The following MTR variants were observed in gnomAD, a reference collection of about 807,000 sequenced individuals.
The protein encoded by MTR is methionine synthase.
MTR carries 84 observed loss-of-function variants against 154.8 expected under a neutral mutation model. The ratio of observed to expected loss-of-function variants is 0.54; its 90% CI spans 0.45 to 0.65. The LOEUF (loss-of-function observed/expected upper bound fraction) is 0.65, where lower values mean the gene tolerates loss of function less well. MTR is among the 30% of genes least tolerant of loss of function. MTR has a pLI of 0.00. For synonymous variants in MTR, 554 were observed against 553.9 expected (o/e 1.00, Z 0.00); for missense variants, 1,275 against 1,570.2 (o/e 0.81, Z 3.18).
At chr1:236,796,503 C>G (rs918438359) in intron 1 of MTR, among the ~76,000 whole-genome samples, 4 of 152,172 alleles carry the variant, frequency 2.6e-5, no homozygotes, top group African/African-American at 9.7e-5. Flanking sequence ...AAGTACAAAA[C>G]AGTAAATATC....
At chr1:236,838,736 A>G in intron 15 of MTR, 137 bp downstream of exon 15, 2 of 860,992 alleles carry the variant, frequency 2.3e-6, no homozygotes, top group Middle Eastern at 3.4e-4. Flanking sequence ...ATGTACATAT[A>G]TGTACACGTA....
chr1:236,844,503 T>TGA (rs1297978179), intron 15 of MTR, among the ~76,000 whole-genome samples: 1 of 126,680 alleles, frequency 7.9e-6, no homozygotes, highest in East Asian at 2.3e-4. Context: ...TGTGTGTGTG[T>TGA]AGATGCTGTG....
At chr1:236,886,931 C>G (rs1203198364) in intron 27 of MTR, among the ~76,000 whole-genome samples, 1 of 151,784 alleles carries the variant, frequency 6.6e-6, no homozygotes. Context: ...CTTGCTTTCT[C>G]TCTGTCCTCT....
Position 236,832,080 on chromosome 1 carries a change from T to G in MTR, c.1188+2T>G. ...CTCATCATGGCAGGAAACTATGAAG[T>G]GAGCATCTTAATAAGACCCCTGAGG... On this transcript the variant is annotated splice_donor_variant, in intron 13 of 32. Transcript: ENST00000366577. LOFTEE classifies it high-confidence loss of function. The G allele has an allele frequency of 6.2e-7, 1 of 1,609,380 alleles. No individual in the cohort carries two copies. The highest frequency in any genetic ancestry group is 8.5e-7 in the Non-Finnish European group (1 of 1,175,704).
intron 24 of MTR, among the ~76,000 whole-genome samples, chr1:236,879,727 G>A (rs780937292): frequency 4.6e-5 from 7 of 152,344 alleles, no homozygotes; most frequent in Middle Eastern, 3.4e-3. Context: ...TAAACATGCA[G>A]TCATCACAGG....
At chr1:236,800,458 C>G (rs146940442) in intron 1 of MTR, 1 of 985,262 alleles carries the variant, frequency 1.0e-6, no homozygotes, top group Non-Finnish European at 1.2e-6. Context: ...GAGAAGAAAG[C>G]GATTCAGCTG....
At chr1:236,802,043 G>C (rs1331400729) in intron 1 of MTR, among the ~76,000 whole-genome samples, 2 of 152,146 alleles carry the variant, frequency 1.3e-5, no homozygotes, top group Admixed American at 1.3e-4. Flanking sequence ...GTGTAGTAAG[G>C]GGTTGAAGAA....
intron 22 of MTR, among the ~76,000 whole-genome samples, chr1:236,864,521 G>C (rs538212860): frequency 2.0e-5 from 3 of 152,114 alleles, no homozygotes; most frequent in African/African-American, 7.2e-5. Flanking sequence ...CTATTTACCT[G>C]CTCACTTACT....
chr1:236,863,938 G>A (rs1015799949), intron 22 of MTR, among the ~76,000 whole-genome samples: 3 of 151,970 alleles, frequency 2.0e-5, no homozygotes, highest in Non-Finnish European at 2.9e-5. Flanking sequence ...TTTTAGAACC[G>A]AGATCTTATG....
intron 22 of MTR, among the ~76,000 whole-genome samples, chr1:236,869,960 A>G (rs1198920688): frequency 1.3e-5 from 2 of 152,150 alleles, no homozygotes; most frequent in Admixed American, 6.5e-5. Flanking sequence ...CCTTCCATAC[A>G]TAGTACACTG....
chr1:236,883,420 G>T (rs1013210841), intron 25 of MTR, among the ~76,000 whole-genome samples: 2 of 152,204 alleles, frequency 1.3e-5, no homozygotes, highest in Admixed American at 6.5e-5. Flanking sequence ...AACTGCAGCG[G>T]TATGTTCTGT....
chr1:236,802,913 A>T (rs1183511783), intron 1 of MTR, among the ~76,000 whole-genome samples: 1 of 152,154 alleles, frequency 6.6e-6, no homozygotes, highest in African/African-American at 2.4e-5. Flanking sequence ...TGAGAAGTTC[A>T]AGGGTGTTAG....
chr1:236,895,575 C>T (rs1229134775), intron 31 of MTR, 25 bp downstream of exon 31: 2 of 1,553,414 alleles, frequency 1.3e-6, no homozygotes, highest in Admixed American at 1.9e-5. Context: ...GCTGCGGGTT[C>T]CTGTCTTCCT....
intron 22 of MTR, among the ~76,000 whole-genome samples, chr1:236,872,663 C>T (rs1238541643): frequency 6.6e-6 from 1 of 152,126 alleles, no homozygotes; most frequent in East Asian, 1.9e-4. Context: ...CATAGTAGTG[C>T]TTTCATGATA....
At chr1:236,826,673 T>C (rs1662305302) in intron 10 of MTR, among the ~76,000 whole-genome samples, 156 bp from the exon 11 acceptor site, 1 of 152,248 alleles carries the variant, frequency 6.6e-6, no homozygotes. Context: ...GTCTAGGGCA[T>C]GTGATATCTT....
At chr1:236,883,021 T>C (rs914650028) in intron 25 of MTR, among the ~76,000 whole-genome samples, 1 of 152,220 alleles carries the variant, frequency 6.6e-6, no homozygotes, top group African/African-American at 2.4e-5. Context: ...CTCATATATT[T>C]GGAAGATTCC....
chr1:236,843,479 G>A (rs969519174), intron 15 of MTR, among the ~76,000 whole-genome samples: 6 of 152,190 alleles, frequency 3.9e-5, no homozygotes, highest in Non-Finnish European at 8.8e-5. Flanking sequence ...TTGTTACTCA[G>A]AGTGAGTGGG....
rs1019534539 is a variant in MTR, at chr1:236,897,716, TAAC to T, written c.*81_*83del. 11 of 1,349,536 alleles carry T rather than the reference TAAC, an allele frequency of 8.2e-6. No individual in the cohort carries two copies. The African/African-American group carries it at 1.6e-4, about 20-fold the overall frequency. The allele number at this position is 1,349,536 out of a possible 1,614,324, so 83.6% of individuals were successfully genotyped here. A position where few individuals can be genotyped will look rare whatever the true frequency, so the allele number is the denominator to read the frequency against. ...AATACAACCTAGGGTGCCTTAAAAA[TAAC>T]AACAACAAAAAACCTGTGTGCATCT... is the stretch of plus-strand genomic sequence containing the variant. On this transcript the variant is annotated 3_prime_UTR_variant, in exon 33 of 33. Transcript: ENST00000366577.
chr1:236,829,458 A>G lies in MTR; in HGVS notation c.1075+190A>G, dbSNP rs530511499. ...TCCAGGGCTGGGGCAAGATGACGTC[A>G]ACTTTAGGGTAAAAGTGAAGGAAGG... is the stretch of plus-strand genomic sequence containing the variant. On this transcript the variant is annotated intron_variant, in intron 12 of 32. Transcript: ENST00000366577. Among the ~76,000 whole-genome samples, 16 of 152,326 alleles carry G rather than the reference A, an allele frequency of 1.1e-4. No homozygotes were observed. The East Asian group carries it at 3.1e-3, about 29-fold the overall frequency.
Sources: allele counts gnomAD v4.1 joint callset (sites outside exome capture counted in the v4.1 genomes callset), GRCh38; gene constraint gnomAD v4.1.1; transcripts MANE v1.5; gene names NCBI Gene and HGNC (gene_info 2026-07-23, HGNC 2026-07-21).